LIMCH1: variants seen among roughly 807,000 people sequenced by gnomAD.
LIMCH1 encodes LIM and calponin homology domains 1.
LIMCH1 carries 113 observed loss-of-function variants against 176.5 expected under a neutral mutation model. The ratio of observed to expected loss-of-function variants is 0.64; its 90% CI spans 0.55 to 0.75. The LOEUF is 0.75. Among genes scored for constraint, LIMCH1 ranks in the 30% least tolerant of loss-of-function variants. LIMCH1 has a pLI of 0.00. For synonymous variants in LIMCH1, 619 were observed against 645.9 expected (o/e 0.96, Z 0.63); for missense variants, 1,674 against 1,814.9 (o/e 0.92, Z 1.41).
At chr4:41,581,474 A>T (rs1021553005) in intron 1 of LIMCH1, among the ~76,000 whole-genome samples, 1 of 152,056 alleles carries the variant, frequency 6.6e-6, no homozygotes, top group African/African-American at 2.4e-5. Context: ...GGCAACCCCA[A>T]TTCTACTCTC....
rs1405152096 is a variant in LIMCH1, at chr4:41,620,471, G to T, written c.506G>T (p.Gly169Val). The T allele has an allele frequency of 6.5e-7, 1 of 1,536,210 alleles. No homozygotes were observed. The highest frequency in any genetic ancestry group is 8.7e-7 in the Non-Finnish European group (1 of 1,146,936). The change falls in exon 7 of 32, where the codon GGT becomes GTT. Residue 169 changes from glycine (G) to valine (V), a missense_variant. Around this residue, in one of 3 missense-constraint regions of LIMCH1, gnomAD observed 655 missense variants for 692.2 expected, o/e 0.95. Coordinates refer to ENST00000503057, the MANE Select transcript of LIMCH1 (RefSeq NM_001330672.2). ...EEEGSEVGSA[G>V]EDNPAGQMNP... ...GAGGGGAGTGAAGTGGGGTCTGCTG[G>T]TGAAGACAACCCAGCTGGCCAAATG...
intron 22 of LIMCH1, among the ~76,000 whole-genome samples, chr4:41,673,520 G>A (rs2153020972): frequency 6.6e-6 from 1 of 152,200 alleles, no homozygotes; most frequent in Middle Eastern, 3.4e-3. Context: ...GAAAATAAAA[G>A]AAACTTGAAA....
chr4:41,618,664 G>A lies in LIMCH1; in HGVS notation c.206-524G>A, dbSNP rs573528641. On this transcript the variant is annotated intron_variant, in intron 5 of 31. Coordinates refer to ENST00000503057, the MANE Select transcript of LIMCH1 (RefSeq NM_001330672.2). ...GGAAGACAAACCCTTGGTATAATCCGAATTGATCACTTTTCTGAGTTTCTG... is the reference window on the plus strand; with the variant it reads ...GGAAGACAAACCCTTGGTATAATCCAAATTGATCACTTTTCTGAGTTTCTG... 1.9e-4 allele frequency among the ~76,000 whole-genome samples: 29 copies of A among 152,288 alleles called. No individual in the cohort carries two copies. The South Asian group carries it at 2.5e-3, about 13-fold the overall frequency.
intron 1 of LIMCH1, among the ~76,000 whole-genome samples, chr4:41,405,559 C>T (rs2058873990): frequency 6.6e-6 from 1 of 152,070 alleles, no homozygotes; most frequent in African/African-American, 2.4e-5. Context: ...TTGAGTCTTT[C>T]TTAGAACTGG....
At chr4:41,460,941 A>AT (rs1561443970) in intron 1 of LIMCH1, among the ~76,000 whole-genome samples, 3 of 152,080 alleles carry the variant, frequency 2.0e-5, no homozygotes, top group African/African-American at 4.8e-5. Flanking sequence ...TGTTTTTAAT[A>AT]TTTTTTTAAA....
At chr4:41,376,940 G>T (rs1581210798) in intron 1 of LIMCH1, among the ~76,000 whole-genome samples, 2 of 152,228 alleles carry the variant, frequency 1.3e-5, no homozygotes, top group African/African-American at 4.8e-5. Flanking sequence ...TTATAAAAGG[G>T]TGAATTTGAT....
At chr4:41,655,249 G>A (rs1322296900) in intron 18 of LIMCH1, among the ~76,000 whole-genome samples, 1 of 152,100 alleles carries the variant, frequency 6.6e-6, no homozygotes, top group African/African-American at 2.4e-5. Context: ...ACGTCAAACT[G>A]TCTAAGCCTC....
At chr4:41,419,406 G>T (rs191508329) in intron 1 of LIMCH1, among the ~76,000 whole-genome samples, 1 of 151,940 alleles carries the variant, frequency 6.6e-6, no homozygotes, top group Non-Finnish European at 1.5e-5. Context: ...TCAAACAGGA[G>T]TTTGTGATCC....
chr4:41,524,445 G>C, exon 3 of LIMCH1: 2 of 1,613,870 alleles, frequency 1.2e-6, no homozygotes, highest in Non-Finnish European at 1.7e-6. Flanking sequence ...TTGTTAAAAA[G>C]ATCAATAGAT....
At chr4:41,530,267 TTCA>T (rs1201402254) in intron 3 of LIMCH1, among the ~76,000 whole-genome samples, 2 of 152,186 alleles carry the variant, frequency 1.3e-5, no homozygotes, top group African/African-American at 2.4e-5. Context: ...TTATGCAGAC[TTCA>T]TCTTTTTAGG....
intron 1 of LIMCH1, among the ~76,000 whole-genome samples, chr4:41,456,297 A>G (rs1230198575): frequency 6.6e-6 from 1 of 152,024 alleles, no homozygotes; most frequent in Non-Finnish European, 1.5e-5. Context: ...TTTTATTTGC[A>G]TCTTTGATGC....
chr4:41,631,416 G>A lies in LIMCH1; in HGVS notation c.1540G>A (p.Val514Ile), dbSNP rs1195429018. The A allele has an allele frequency of 6.5e-7, 1 of 1,532,452 alleles. No homozygotes were observed. The highest frequency in any genetic ancestry group is 2.4e-5 in the East Asian group (1 of 40,902). The allele number at this position is 1,532,452 out of a possible 1,614,324, so 94.9% of individuals were successfully genotyped here. ...GATTCAAATGGACTCTGTGTCTCCT[G>A]TCTCAGCGGCCACTTCCAGCTTAAA... is the stretch of plus-strand genomic sequence containing the variant. ...SKIQMDSVSP[V>I]SAATSSLKGH... Residue 514 changes from valine to isoleucine, a missense_variant, in exon 10 of 32, where the codon GTC becomes ATC. Around this residue, in one of 3 missense-constraint regions of LIMCH1, gnomAD observed 655 missense variants for 692.2 expected, o/e 0.95. Transcript: ENST00000503057.
At chr4:41,368,914 A>AGGCT (rs2053529646) in intron 1 of LIMCH1, among the ~76,000 whole-genome samples, 1 of 152,136 alleles carries the variant, frequency 6.6e-6, no homozygotes, top group South Asian at 2.1e-4. Context: ...GACAAAATAG[A>AGGCT]GGCTGTAGAG....
chr4:41,443,469 G>A (rs1050139457), intron 1 of LIMCH1, among the ~76,000 whole-genome samples: 2 of 152,162 alleles, frequency 1.3e-5, no homozygotes, highest in Non-Finnish European at 2.9e-5. Flanking sequence ...TTTAATAGTA[G>A]TATGGACTTT....
At chr4:41,628,874 G>T (rs1327526882) in intron 8 of LIMCH1, among the ~76,000 whole-genome samples, 1 of 151,666 alleles carries the variant, frequency 6.6e-6, no homozygotes, top group Non-Finnish European at 1.5e-5. Flanking sequence ...AATACCCTCT[G>T]CTTTTCAAGT....
intron 1 of LIMCH1, among the ~76,000 whole-genome samples, chr4:41,448,265 G>A (rs754126143): frequency 7.9e-5 from 12 of 152,184 alleles, no homozygotes; most frequent in African/African-American, 1.7e-4. Flanking sequence ...CTTTAGGTTC[G>A]CTTTAGGTTG....
chr4:41,645,163 G>T (rs1167765505), intron 15 of LIMCH1, among the ~76,000 whole-genome samples: 3 of 152,154 alleles, frequency 2.0e-5, no homozygotes, highest in Middle Eastern at 3.2e-3. Flanking sequence ...TTAGAACCAG[G>T]GAAGGAAGGC....
At chr4:41,484,408 A>G (rs1397277614) in intron 1 of LIMCH1, among the ~76,000 whole-genome samples, 1 of 152,216 alleles carries the variant, frequency 6.6e-6, no homozygotes, top group Non-Finnish European at 1.5e-5. Context: ...TGATCCATCA[A>G]TGTTTACAAA....
chr4:41,547,956 T>C (rs2079826733), intron 1 of LIMCH1, among the ~76,000 whole-genome samples: 1 of 147,506 alleles, frequency 6.8e-6, no homozygotes, highest in South Asian at 2.1e-4. Context: ...ACTATAGTAA[T>C]GGTGCTGGCA....
Sources: gnomAD v4.1 joint callset for allele counts (sites outside exome capture counted in the v4.1 genomes callset) on GRCh38, gnomAD v4.1.1 for gene constraint, gnomAD v4.1.1 regional missense constraint, MANE v1.5 for transcripts, NCBI Gene and HGNC (gene_info 2026-07-23, HGNC 2026-07-21) for gene names.